The following PLOD1 variants were observed in gnomAD, a reference collection of about 807,000 sequenced individuals.
PLOD1 encodes lysine hydroxylase.
A neutral mutation model predicts 94.7 loss-of-function variants in PLOD1; 70 were observed. The ratio of observed to expected loss-of-function variants is 0.74; its 90% CI spans 0.61 to 0.90. The LOEUF is 0.90. PLOD1 is among the 40% of genes least tolerant of loss of function. The probability of loss-of-function intolerance (pLI) is 0.00; values close to 1 mark genes in which losing one functional copy is unlikely to be tolerated. For missense variants in PLOD1, 905 were observed against 972.7 expected (o/e 0.93, Z 0.93); for synonymous variants, 417 against 400.2 (o/e 1.04, Z -0.50).
chr1:11,967,658 A>T (rs34499671), intron 16 of PLOD1, among the ~76,000 whole-genome samples: 51,708 of 108,954 alleles, frequency 0.47, 12,513 homozygotes, highest in East Asian at 0.62. Flanking sequence ...ATATATATAT[A>T]TTTTTTTTAA....
At chr1:11,939,263 G>A (rs1021256228) in intron 1 of PLOD1, among the ~76,000 whole-genome samples, 5 of 152,246 alleles carry the variant, frequency 3.3e-5, no homozygotes, top group Middle Eastern at 3.4e-3. Context: ...AGCTGGCCCC[G>A]GGGAGGCTAA....
intron 10 of PLOD1, among the ~76,000 whole-genome samples, chr1:11,962,129 T>G (rs1199811876): frequency 6.6e-6 from 1 of 151,860 alleles, no homozygotes; most frequent in Non-Finnish European, 1.5e-5. Flanking sequence ...AGGATCTTGC[T>G]ATGTTGCCCA....
In PLOD1 at chr1:11,958,660, C is replaced by A; in HGVS notation, c.975+13C>A. 1.9e-6 allele frequency: 3 copies of A among 1,613,948 alleles called. No individual in the cohort carries two copies. The highest frequency in any genetic ancestry group is 2.5e-6 in the Non-Finnish European group (3 of 1,179,996). On this transcript the variant is annotated intron_variant, in intron 9 of 18. Transcript: ENST00000196061. The surrounding 1 kb of genome is among the most constrained non-coding windows in gnomAD (Gnocchi z 4.3). ...CATCCACAACCACGTGAGTAACAGGCGCTCTGTGGGGTCGTCATGTGGCTT... is the reference window on the plus strand; with the variant it reads ...CATCCACAACCACGTGAGTAACAGGAGCTCTGTGGGGTCGTCATGTGGCTT...
At position 11,967,654 on chromosome 1, in the gene PLOD1, A is replaced by AT. The variant is rs1185433827; in HGVS notation, c.1755+564dup. On this transcript the variant is annotated intron_variant, in intron 16 of 18. Coordinates refer to ENST00000196061, the MANE Select transcript of PLOD1 (RefSeq NM_000302.4). ...ATAGATTTTATTTATATATATATAT[A>AT]TATATTTTTTTTAAATAATAGAGAC... 5.8e-3 allele frequency among the ~76,000 whole-genome samples: 659 copies of AT among 113,956 alleles called. 14 individuals are homozygous for AT. Among genetic ancestry groups the AT allele is most frequent in the African/African-American group, 0.02 (631 of 32,038 alleles). The allele number at this position is 113,956 out of a possible 152,430, so 74.8% of individuals were successfully genotyped here. A position where few individuals can be genotyped will look rare whatever the true frequency, so the allele number is the denominator to read the frequency against.
intron 18 of PLOD1, among the ~76,000 whole-genome samples, chr1:11,973,747 AT>A (rs1339026866): frequency 6.6e-6 from 1 of 151,460 alleles, no homozygotes; most frequent in Non-Finnish European, 1.5e-5. Flanking sequence ...TGGCCAGCTA[AT>A]TTTTTTTCTT....
intron 1 of PLOD1, among the ~76,000 whole-genome samples, chr1:11,938,105 A>G (rs1645592202): frequency 6.6e-6 from 1 of 151,804 alleles, no homozygotes; most frequent in African/African-American, 2.4e-5. Flanking sequence ...GGCATGCACC[A>G]CCATGCCTGG....
intron 1 of PLOD1, among the ~76,000 whole-genome samples, chr1:11,936,065 G>A (rs1645576419): frequency 6.6e-6 from 1 of 152,014 alleles, no homozygotes; most frequent in South Asian, 2.1e-4. Flanking sequence ...TTGACCTCAG[G>A]TGATCAGCCC....
At chr1:11,952,850 C>A in intron 5 of PLOD1, 115 bp downstream of exon 5, 1 of 716,842 alleles carries the variant, frequency 1.4e-6, no homozygotes. Flanking sequence ...TCTATGCAGG[C>A]TGCTCTGACA....
Position 11,975,131 on chromosome 1 carries a change from G to C in PLOD1, c.*323G>C. 2.4e-6 allele frequency: 1 copy of C among 422,452 alleles called. No homozygotes were observed. Among genetic ancestry groups the C allele is most frequent in the South Asian group, 2.1e-5 (1 of 47,302 alleles). 26.2% of individuals were successfully genotyped at this position (422,452 alleles called of 1,614,324 possible). ...CCCCTTCCCCCACCTCTTCCATGGG[G>C]TGAGACTTGAGCAGAACAGGGGCTT... On this transcript the variant is annotated 3_prime_UTR_variant, in exon 19 of 19. Transcript: ENST00000196061.
At chr1:11,966,421 G>A (rs1645818351) in intron 15 of PLOD1, 105 bp downstream of exon 15, 2 of 569,936 alleles carry the variant, frequency 3.5e-6, no homozygotes, top group Non-Finnish European at 6.5e-6. Flanking sequence ...CAGGATGGGA[G>A]TTGGGGGTGG....
At chr1:11,961,485 T>C (rs557637883) in intron 10 of PLOD1, among the ~76,000 whole-genome samples, 2 of 152,358 alleles carry the variant, frequency 1.3e-5, no homozygotes, top group African/African-American at 2.4e-5. Context: ...AAGGATTAGA[T>C]CATAAATCTT....
chr1:11,934,843 G>A lies in PLOD1; in HGVS notation c.64G>A (p.Ala22Thr). The A allele has an allele frequency of 6.5e-7, 1 of 1,538,996 alleles. No individual in the cohort carries two copies. The change falls in exon 1 of 19, where the codon GCC becomes ACC. Residue 22 changes from alanine (A) to threonine (T), a missense_variant. Ala to Thr is a moderately conservative substitution (Grantham distance 58, BLOSUM62 0). Coordinates refer to ENST00000196061, the MANE Select transcript of PLOD1 (RefSeq NM_000302.4). ...WLLLAEAKGDAKPEDNLLVLT... is the reference protein window; with the variant it reads ...WLLLAEAKGDTKPEDNLLVLT... ...GCTGCTGGCCGAAGCGAAGGGCGAC[G>A]CCAAGCCGGAGGGTGAGGGAGCGAA...
At chr1:11,967,301 G>C (rs948789238) in intron 16 of PLOD1, among the ~76,000 whole-genome samples, 11 of 152,080 alleles carry the variant, frequency 7.2e-5, no homozygotes, top group African/African-American at 2.7e-4. Context: ...TGTTGCCACC[G>C]TGTGGCTTTG....
In PLOD1 at chr1:11,974,813, C is replaced by T; in HGVS notation, c.*5C>T. On this transcript the variant is annotated 3_prime_UTR_variant, in exon 19 of 19. Transcript: ENST00000196061. ...GTCTCCTTCGTCGATCCCTAATTGG[C>T]CAGGCCTGACCCTCTTGGACCTTTC... The T allele has an allele frequency of 1.9e-6, 3 of 1,613,938 alleles. No homozygotes were observed. The highest frequency in any genetic ancestry group is 2.5e-6 in the Non-Finnish European group (3 of 1,179,842).
chr1:11,943,292 T>TTTTC (rs199631467), intron 1 of PLOD1, among the ~76,000 whole-genome samples: 15,112 of 138,050 alleles, frequency 0.11, 1,331 homozygotes, highest in African/African-American at 0.27. Flanking sequence ...CCGGCTTTTT[T>TTTTC]TTTCTTTCTT....
At chr1:11,959,286 G>A (rs1361432143) in intron 9 of PLOD1, among the ~76,000 whole-genome samples, 5 of 151,940 alleles carry the variant, frequency 3.3e-5, no homozygotes, top group Admixed American at 3.3e-4. Flanking sequence ...TTGCTGCAAG[G>A]GCTAAGCAAG....
At chr1:11,954,524 T>C (rs1645724884) in intron 5 of PLOD1, 1 of 656,682 alleles carries the variant, frequency 1.5e-6, no homozygotes, top group Non-Finnish European at 2.9e-6. Flanking sequence ...GTGCGTGTAG[T>C]GGAGTGCTTG....
chr1:11,954,678 C>T, intron 5 of PLOD1, 152 bp from the exon 6 acceptor site: 1 of 780,376 alleles, frequency 1.3e-6, no homozygotes, highest in Admixed American at 1.7e-5. Flanking sequence ...CTGGCCTTCT[C>T]TGGGCACCTA....
chr1:11,952,520 CAT>C, intron 4 of PLOD1, 101 bp from the exon 5 acceptor site: 1 of 819,468 alleles, frequency 1.2e-6, no homozygotes, highest in Non-Finnish European at 2.1e-6. Context: ...GGTTTGTGGG[CAT>C]ATGAGTGGAG....
Sources: allele counts gnomAD v4.1 joint callset (sites outside exome capture counted in the v4.1 genomes callset), GRCh38; gene constraint gnomAD v4.1.1; non-coding constraint Gnocchi (gnomAD v3.1); transcripts MANE v1.5; gene names NCBI Gene and HGNC (gene_info 2026-07-23, HGNC 2026-07-21).